Variants in KNTC1 observed in about 807,000 individuals in gnomAD.
The protein encoded by KNTC1 is kinetochore-associated protein 1.
A neutral mutation model predicts 314.4 loss-of-function variants in KNTC1; 253 were observed. That is an observed-to-expected ratio of 0.80 (90% CI 0.73 to 0.89). KNTC1 has a LOEUF of 0.89. KNTC1 is among the 40% of genes least tolerant of loss of function. The pLI, the probability that KNTC1 is intolerant of heterozygous loss-of-function variation, is 0.00. For synonymous variants in KNTC1, 901 were observed against 901.4 expected (o/e 1.00, Z 0.01); for missense variants, 2,475 against 2,572.9 (o/e 0.96, Z 0.82).
At chr12:122,579,510 T>C (rs545665771) in intron 31 of KNTC1, among the ~76,000 whole-genome samples, 4 of 152,330 alleles carry the variant, frequency 2.6e-5, no homozygotes, top group Admixed American at 2.6e-4. Context: ...TCTTAAAATT[T>C]TTTTAAATAA....
chr12:122,580,622 C>A lies in KNTC1; in HGVS notation c.2934C>A (p.Asp978Glu). 6.4e-7 allele frequency: 1 copy of A among 1,568,142 alleles called. No homozygotes were observed. The highest frequency in any genetic ancestry group is 1.7e-4 in the Middle Eastern group (1 of 5,994). ...TTACAGACAATCTGCAGAAGAAGGA[C>A]GAATGTGAAGAAATGTTGAAACTAT... ...DIQKDNLQKK[D>E]ECEEMLKLFK... Residue 978 changes from aspartate to glutamate, a missense_variant, in exon 33 of 64, where the codon GAC becomes GAA. Transcript: ENST00000333479.
chr12:122,565,872 G>A (rs1009855843), intron 20 of KNTC1, among the ~76,000 whole-genome samples: 1 of 151,672 alleles, frequency 6.6e-6, no homozygotes, highest in East Asian at 1.9e-4. Flanking sequence ...GTGACACAGT[G>A]AAACTCGCCT....
chr12:122,556,917 CTTTTTTTTTTTTT>C (rs35101646), intron 16 of KNTC1, among the ~76,000 whole-genome samples: 4 of 88,290 alleles, frequency 4.5e-5, no homozygotes, highest in African/African-American at 1.8e-4. Context: ...AATTTTCCCT[CTTTTTTTTTTTTT>C]TTTTTTTTTT....
chr12:122,530,262 A>ACT, intron 2 of KNTC1, 70 bp downstream of exon 2: 1 of 1,360,618 alleles, frequency 7.3e-7, no homozygotes, highest in Non-Finnish European at 1.0e-6. Flanking sequence ...CTAGTGGCCC[A>ACT]CAGTAAATAT....
chr12:122,557,854 T>C (rs1157402203), intron 18 of KNTC1, among the ~76,000 whole-genome samples, 165 bp downstream of exon 18: 1 of 152,228 alleles, frequency 6.6e-6, no homozygotes, highest in African/African-American at 2.4e-5. Flanking sequence ...TCCTATACAA[T>C]TCACCTATTT....
At position 122,547,415 on chromosome 12, in the gene KNTC1, A is replaced by G; in HGVS notation, c.817A>G (p.Asn273Asp). 1 of 1,585,566 alleles carries G rather than the reference A, an allele frequency of 6.3e-7. No individual in the cohort carries two copies. The highest frequency in any genetic ancestry group is 8.7e-7 in the Non-Finnish European group (1 of 1,155,068). The change falls in exon 11 of 64, where the codon AAC becomes GAC. Residue 273 changes from asparagine to aspartate, a missense_variant and splice_region_variant. Physicochemically the swap from Asn to Asp is conservative, Grantham distance 23. Transcript: ENST00000333479. ...DNLLFVLDTD[N>D]VLSLWDIYTL... Reference sequence around the variant, plus strand: ...TGTAAATGAAATGTCTCTATTGCAGAACGTGCTGAGTTTATGGGATATTTA... The same window carrying G: ...TGTAAATGAAATGTCTCTATTGCAGGACGTGCTGAGTTTATGGGATATTTA...
chr12:122,565,394 A>G (rs1348614658), intron 20 of KNTC1, among the ~76,000 whole-genome samples: 1 of 151,954 alleles, frequency 6.6e-6, no homozygotes, highest in Non-Finnish European at 1.5e-5. Context: ...TGCTGGGATT[A>G]CTGGCATGAG....
chr12:122,586,431 T>G (rs191777234), intron 37 of KNTC1, among the ~76,000 whole-genome samples: 16 of 152,328 alleles, frequency 1.1e-4, no homozygotes, highest in Non-Finnish European at 2.4e-4. Context: ...TGTGGACGTT[T>G]ATCAGGTTAT....
At chr12:122,563,678 A>G (rs1443070937) in intron 20 of KNTC1, 34 of 923,300 alleles carry the variant, frequency 3.7e-5, no homozygotes, top group Middle Eastern at 3.3e-4. Context: ...TTTCTATCCT[A>G]TTGAGTAATA....
At chr12:122,622,050 C>T (rs368284559) in intron 61 of KNTC1, 80 bp downstream of exon 61, 1 of 925,692 alleles carries the variant, frequency 1.1e-6, no homozygotes, top group African/African-American at 1.7e-5. Context: ...CAAGAGTAAG[C>T]TGAAAACTGC....
chr12:122,584,188 A>G, intron 34 of KNTC1, 90 bp from the exon 35 acceptor site: 1 of 860,660 alleles, frequency 1.2e-6, no homozygotes, highest in East Asian at 2.4e-5. Context: ...TAATGTGTTG[A>G]TGGTGGTGGT....
At chr12:122,556,767 C>G (rs1002757875) in intron 16 of KNTC1, among the ~76,000 whole-genome samples, 5 of 152,044 alleles carry the variant, frequency 3.3e-5, no homozygotes, top group Non-Finnish European at 7.4e-5. Flanking sequence ...CCGACCTCTA[C>G]TCTCTACTTT....
At chr12:122,615,948 C>T (rs953069388) in intron 57 of KNTC1, among the ~76,000 whole-genome samples, 2 of 152,112 alleles carry the variant, frequency 1.3e-5, no homozygotes, top group East Asian at 1.9e-4. Flanking sequence ...GCTCTCAAGA[C>T]ATTTTGGCTC....
At chr12:122,537,464 G>A (rs1961933520) in intron 3 of KNTC1, among the ~76,000 whole-genome samples, 1 of 151,180 alleles carries the variant, frequency 6.6e-6, no homozygotes, top group African/African-American at 2.4e-5. Context: ...TGTTGCCTAG[G>A]CTGGAGTGCA....
In KNTC1 at chr12:122,601,549, A is replaced by G; in HGVS notation, c.4577A>G (p.Asp1526Gly). 6.5e-7 allele frequency: 1 copy of G among 1,533,978 alleles called. No individual in the cohort carries two copies. The highest frequency in any genetic ancestry group is 1.3e-5 in the South Asian group (1 of 78,910). The change falls in exon 45 of 64, where the codon GAC becomes GGC. Residue 1526 changes from aspartate to glycine, a missense_variant. Transcript: ENST00000333479. ...GTTTTTATACAGTTGGATCCTTATG[A>G]CTATGAAATGATTGAAGTTGTCTTG... ...SGILHKLDPYDYEMIEVVLKV... is the reference protein window; with the variant it reads ...SGILHKLDPYGYEMIEVVLKV...
rs140168973 is a variant in KNTC1, at chr12:122,618,303, C to T, written c.6031-40C>T. 4.4e-6 allele frequency: 7 copies of T among 1,585,300 alleles called. No homozygotes were observed. In the African/African-American group the frequency reaches 6.7e-5, roughly 15 times the overall value. On this transcript the variant is annotated intron_variant, in intron 57 of 63. Coordinates refer to ENST00000333479, the MANE Select transcript of KNTC1 (RefSeq NM_014708.6). Reference sequence around the variant, plus strand: ...GCAAATTAAAGAGAGTTTGTAATATCCTTAACATGAATATCCCAAACGTGG... The same window carrying T: ...GCAAATTAAAGAGAGTTTGTAATATTCTTAACATGAATATCCCAAACGTGG...
intron 4 of KNTC1, among the ~76,000 whole-genome samples, chr12:122,538,659 GA>G (rs1271487713): frequency 2.0e-4 from 31 of 152,100 alleles, no homozygotes; most frequent in Admixed American, 1.9e-3. Context: ...AGGTCAAACA[GA>G]AATTTTCCCA....
chr12:122,617,140 TTTTTGGTCA>T (rs1873851398), intron 57 of KNTC1, among the ~76,000 whole-genome samples: 1 of 152,214 alleles, frequency 6.6e-6, no homozygotes, highest in African/African-American at 2.4e-5. Flanking sequence ...TGAGTTTCTA[TTTTTGGTCA>T]TTATAAATAA....
intron 3 of KNTC1, among the ~76,000 whole-genome samples, 184 bp from the exon 4 acceptor site, chr12:122,538,155 A>G (rs1480289560): frequency 6.6e-6 from 1 of 152,186 alleles, no homozygotes; most frequent in Non-Finnish European, 1.5e-5. Context: ...AAACAAAACA[A>G]AAAATATTTG....
Sources: allele counts gnomAD v4.1 joint callset (sites outside exome capture counted in the v4.1 genomes callset), GRCh38; gene constraint gnomAD v4.1.1; transcripts MANE v1.5; gene names NCBI Gene and HGNC (gene_info 2026-07-23, HGNC 2026-07-21).